RAB3GAP1: variants seen among roughly 807,000 people sequenced by gnomAD.
The protein encoded by RAB3GAP1 is rab3 GTPase-activating protein catalytic subunit.
RAB3GAP1 carries 86 observed loss-of-function variants against 130.7 expected under a neutral mutation model. The observed-to-expected ratio is 0.66, with a 90% CI of 0.55 to 0.79. The LOEUF is 0.79. Ranked by LOEUF, RAB3GAP1 falls within the 30% of genes least tolerant of loss-of-function variation. The pLI is 0.00. For synonymous variants in RAB3GAP1, 367 were observed against 401.7 expected (o/e 0.91, Z 1.03); for missense variants, 1,029 against 1,169.4 (o/e 0.88, Z 1.75).
chr2:135,162,755 C>G lies in RAB3GAP1; in HGVS notation c.2394C>G (p.Leu798=), dbSNP rs550794953. The change falls in exon 21 of 24, where the codon CTC becomes CTG. Residue 798 remains leucine, a synonymous_variant. Coordinates refer to ENST00000264158, the MANE Select transcript of RAB3GAP1 (RefSeq NM_012233.3). ...CAATCTTTTCTAAAATAGAAAGTCT[C>G]GAAAACATTTCTTCAGTTAAGAAGA... is the stretch of plus-strand genomic sequence containing the variant. ...AVLKVKEEES[L]ENISSVKKII... 6.2e-7 allele frequency: 1 copy of G among 1,612,660 alleles called. No homozygotes were observed. Among genetic ancestry groups the G allele is most frequent in the Non-Finnish European group, 8.5e-7 (1 of 1,178,706 alleles).
downstream of RAB3GAP1, chr2:135,175,502 A>G (rs6713714): frequency 0.06 from 9,095 of 152,324 alleles, 521 homozygotes; most frequent in African/African-American, 0.15. Flanking sequence ...GCCGGGATAG[A>G]TGTGGCCTCA....
chr2:135,142,833 C>T (rs1260411810), intron 17 of RAB3GAP1, among the ~76,000 whole-genome samples: 1 of 151,556 alleles, frequency 6.6e-6, no homozygotes, highest in Non-Finnish European at 1.5e-5. Flanking sequence ...AACATCCTTA[C>T]ATTCCTGGTA....
intron 3 of RAB3GAP1, among the ~76,000 whole-genome samples, chr2:135,060,596 A>G (rs1417078573): frequency 6.6e-6 from 1 of 151,736 alleles, no homozygotes; most frequent in Non-Finnish European, 1.5e-5. Context: ...CATGGGTATA[A>G]CTTACACTCC....
At chr2:135,069,657 G>C (rs1458013361) in intron 3 of RAB3GAP1, among the ~76,000 whole-genome samples, 1 of 152,214 alleles carries the variant, frequency 6.6e-6, no homozygotes, top group South Asian at 2.1e-4. Context: ...TGTCATAAAA[G>C]ATTCTTCATC....
At chr2:135,114,714 T>C (rs1690915106) in intron 6 of RAB3GAP1, among the ~76,000 whole-genome samples, 1 of 152,254 alleles carries the variant, frequency 6.6e-6, no homozygotes. Context: ...CCAAAAGCAA[T>C]GTAACTTGTG....
rs74448165 is a variant in RAB3GAP1 at position 135,135,433 on chromosome 2, T to C, written c.1554+114T>C. 1,995 of 1,436,484 alleles carry C rather than the reference T, an allele frequency of 1.4e-3. 22 individuals carry two copies. In the African/African-American group the frequency reaches 0.025, roughly 18 times the overall value. The allele number at this position is 1,436,484 out of a possible 1,614,324, so 89.0% of individuals were successfully genotyped here. On this transcript the variant is annotated intron_variant, in intron 16 of 23. Coordinates refer to ENST00000264158, the MANE Select transcript of RAB3GAP1 (RefSeq NM_012233.3). ...TCTCATGGTGCTGCTGTAGGTTGCCTATAGTCAGTAGTCACTGCAATTCAC... is the reference window on the plus strand; with the variant it reads ...TCTCATGGTGCTGCTGTAGGTTGCCCATAGTCAGTAGTCACTGCAATTCAC...
intron 19 of RAB3GAP1, 47 bp downstream of exon 19, chr2:135,153,923 T>A: frequency 6.4e-7 from 1 of 1,553,412 alleles, no homozygotes; most frequent in Non-Finnish European, 8.9e-7. Flanking sequence ...ATTACTGTTC[T>A]TATGATTTAG....
intron 5 of RAB3GAP1, among the ~76,000 whole-genome samples, chr2:135,100,619 G>A (rs1690423711): frequency 6.6e-6 from 1 of 152,142 alleles, no homozygotes; most frequent in Admixed American, 6.5e-5. Flanking sequence ...TTAAAGTTTA[G>A]GAAGCCAACA....
At chr2:135,056,897 A>G (rs1321909535) in intron 2 of RAB3GAP1, among the ~76,000 whole-genome samples, 1 of 152,220 alleles carries the variant, frequency 6.6e-6, no homozygotes, top group African/African-American at 2.4e-5. Flanking sequence ...ATGTCACTGA[A>G]GGAAAAAATC....
chr2:135,101,228 T>C (rs1690439959), intron 5 of RAB3GAP1, among the ~76,000 whole-genome samples: 2 of 152,136 alleles, frequency 1.3e-5, no homozygotes, highest in South Asian at 4.1e-4. Flanking sequence ...TGTTAATAAA[T>C]ACATTTCTCA....
intron 17 of RAB3GAP1, among the ~76,000 whole-genome samples, chr2:135,137,832 TG>T (rs1430487880): frequency 1.3e-5 from 2 of 151,742 alleles, no homozygotes; most frequent in Non-Finnish European, 2.9e-5. Flanking sequence ...TTTTTTTTGT[TG>T]TTTTTTTTTT....
rs199956105 is a variant in RAB3GAP1 at position 135,131,456 on chromosome 2, TC to T, written c.1236+737del. 9.9e-5 allele frequency among the ~76,000 whole-genome samples: 15 copies of T among 152,258 alleles called. 1 individual carries two copies. In the East Asian group the frequency reaches 2.9e-3, roughly 29 times the overall value. On this transcript the variant is annotated intron_variant, in intron 13 of 23. Transcript: ENST00000264158. ...CGTGTTAGCCAGGATGGTCTCGATC[TC>T]CTGACCTCGTAATCCGCCCGCCTCG...
At chr2:135,121,176 T>A (rs1162484280) in intron 8 of RAB3GAP1, among the ~76,000 whole-genome samples, 2 of 152,198 alleles carry the variant, frequency 1.3e-5, no homozygotes. Flanking sequence ...CACCCCTTGC[T>A]GTGGCACATC....
At chr2:135,085,946 G>T (rs1689962073) in intron 3 of RAB3GAP1, among the ~76,000 whole-genome samples, 1 of 152,122 alleles carries the variant, frequency 6.6e-6, no homozygotes, top group South Asian at 2.1e-4. Context: ...GGTAACCACA[G>T]TTTTGACTTC....
rs190291147 is a variant in RAB3GAP1, at chr2:135,052,378, A to G, written c.19-52A>G. 7.0e-4 allele frequency: 1,135 copies of G among 1,613,954 alleles called. 1 individual carries two copies. Among genetic ancestry groups the G allele is most frequent in the Non-Finnish European group, 8.3e-4 (980 of 1,179,918 alleles). On this transcript the variant is annotated intron_variant, in intron 1 of 23. Transcript: ENST00000264158. Reference sequence around the variant, plus strand: ...TTGTCACTATCTAAATTCGTTCCTCATGTCTTCGCCTTGGGGCTTAATTTC... The same window carrying G: ...TTGTCACTATCTAAATTCGTTCCTCGTGTCTTCGCCTTGGGGCTTAATTTC...
At chr2:135,152,505 A>T (rs1354689773) in intron 18 of RAB3GAP1, among the ~76,000 whole-genome samples, 1 of 152,196 alleles carries the variant, frequency 6.6e-6, no homozygotes, top group Non-Finnish European at 1.5e-5. Flanking sequence ...GGATGTTTTC[A>T]TGTGGGTATG....
chr2:135,146,330 G>A (rs1296894430), intron 17 of RAB3GAP1, among the ~76,000 whole-genome samples: 1 of 150,272 alleles, frequency 6.7e-6, no homozygotes, highest in Non-Finnish European at 1.5e-5. Context: ...TTGTGCCTCA[G>A]CCTCCTGAGT....
intron 7 of RAB3GAP1, among the ~76,000 whole-genome samples, chr2:135,117,632 T>C (rs1212151504): frequency 5.4e-5 from 8 of 148,854 alleles, no homozygotes; most frequent in Non-Finnish European, 9.0e-5. Context: ...CTTCTTCTGC[T>C]TCTGCTTCTT....
chr2:135,172,897 T>C (rs1692896965), downstream of RAB3GAP1, among the ~76,000 whole-genome samples: 1 of 152,160 alleles, frequency 6.6e-6, no homozygotes, highest in Admixed American at 6.5e-5. Context: ...GGAGGAAGTG[T>C]TGGTATGTCA....
Sources: gnomAD v4.1 joint callset for allele counts (sites outside exome capture counted in the v4.1 genomes callset) on GRCh38, gnomAD v4.1.1 for gene constraint, MANE v1.5 for transcripts, NCBI Gene and HGNC (gene_info 2026-07-23, HGNC 2026-07-21) for gene names.